The following UPRT variants were observed in gnomAD, a reference collection of about 807,000 sequenced individuals.
The protein encoded by UPRT is RP11-311P8.3.
A neutral mutation model predicts 22.6 loss-of-function variants in UPRT; 5 were observed. The observed-to-expected ratio is 0.22, with a 90% CI of 0.12 to 0.47. The LOEUF is 0.47. UPRT is among the 20% of genes least tolerant of loss of function. The pLI is 0.99. For synonymous variants in UPRT, 77 were observed against 87.7 expected, an observed-to-expected ratio of 0.88 and a Z score of 0.68; for missense variants, 181 against 239.9, an observed-to-expected ratio of 0.75 and a Z score of 1.62.
At chrX:75,283,051 C>G (rs2082664948) in intron 1 of UPRT, among the ~76,000 whole-genome samples, 1 of 111,953 alleles carries the variant, frequency 8.9e-6, no homozygotes, top group African/African-American at 3.2e-5. Flanking sequence ...TTGTTAACTG[C>G]TGTTGCTTTC....
At chrX:75,291,601 A>G (rs981126228) in intron 1 of UPRT, 2 of 151,608 alleles carry the variant, frequency 1.3e-5, no homozygotes, top group Non-Finnish European at 2.5e-5. Flanking sequence ...TAACAATGTT[A>G]AAGATTTAAA....
At chrX:75,259,294 G>T (rs926571906) in intron 4 of UPRT, among the ~76,000 whole-genome samples, 1 of 110,233 alleles carries the variant, frequency 9.1e-6, no homozygotes, top group African/African-American at 3.3e-5. Context: ...ACAGAAGTAG[G>T]CATCAGAAGG....
rs189453359 is a variant in UPRT, at chrX:75,236,120, G to A, written c.-446-54904G>A. Among the ~76,000 whole-genome samples the A allele has an allele frequency of 2.7e-5, 3 of 111,455 alleles. No homozygotes were observed. The East Asian group carries it at 8.5e-4, about 31-fold the overall frequency. On this transcript the variant is annotated intron_variant, in intron 4 of 13. Coordinates refer to the UPRT transcript ENST00000652605. ...CAATGTCTCGGGATACAAAATCAAT[G>A]TACAAAAATCACAAGCATTCTTATA...
chrX:75,293,566 C>G, intron 2 of UPRT, 52 bp downstream of exon 2: 1 of 1,112,457 alleles, frequency 9.0e-7, no homozygotes, highest in Non-Finnish European at 1.2e-6. Flanking sequence ...GTGATATAAC[C>G]ATGGTAGACC....
chrX:75,300,029 C>G, intron 5 of UPRT, 133 bp downstream of exon 5: 2 of 742,529 alleles, frequency 2.7e-6, no homozygotes, highest in Non-Finnish European at 1.9e-6. Flanking sequence ...AAAACTGCCC[C>G]AGGCAGTTCA....
At chrX:75,301,638 A>G (rs187294005) in intron 6 of UPRT, among the ~76,000 whole-genome samples, 2 of 112,116 alleles carry the variant, frequency 1.8e-5, no homozygotes, top group South Asian at 3.7e-4. Context: ...TTCAAAGGAT[A>G]TACTATTATG....
rs553529149 is a variant in UPRT at position 75,258,847 on chromosome X, A to C, written c.-446-32177A>C. ...TGGGAGACGCATCCCAGTAGGGGCCAACAGACACCTCATACAGGAGAGCTC... is the reference window on the plus strand; with the variant it reads ...TGGGAGACGCATCCCAGTAGGGGCCCACAGACACCTCATACAGGAGAGCTC... On this transcript the variant is annotated intron_variant, in intron 4 of 13. Transcript: ENST00000652605. 7.5e-4 allele frequency among the ~76,000 whole-genome samples: 84 copies of C among 111,935 alleles called. No homozygotes were observed. In the South Asian group the frequency reaches 0.031, roughly 41 times the overall value.
intron 4 of UPRT, among the ~76,000 whole-genome samples, chrX:75,187,408 G>T (rs2082296956): frequency 9.0e-6 from 1 of 111,566 alleles, no homozygotes; most frequent in African/African-American, 3.3e-5. Context: ...AGTCTGATGG[G>T]CTTCCCTTTG....
At chrX:75,270,713 A>C (rs189368736), upstream of UPRT, among the ~76,000 whole-genome samples, 1 of 111,212 alleles carries the variant, frequency 9.0e-6, no homozygotes, top group East Asian at 2.8e-4. Flanking sequence ...CAATGAGAAC[A>C]CATAGATACA....
At chrX:75,184,593 T>C (rs1267299701) in intron 4 of UPRT, among the ~76,000 whole-genome samples, 1 of 108,105 alleles carries the variant, frequency 9.3e-6, no homozygotes, top group Non-Finnish European at 1.9e-5. Flanking sequence ...GGGATGGCAT[T>C]GAATCTGTAA....
In UPRT at chrX:75,288,069, G is replaced by T. The variant is rs190297410; in HGVS notation, c.387-5403G>T. 2.2e-4 allele frequency among the ~76,000 whole-genome samples: 25 copies of T among 111,368 alleles called. 1 individual carries two copies. The East Asian group carries it at 6.2e-3, about 28-fold the overall frequency. On this transcript the variant is annotated intron_variant, in intron 1 of 6. Transcript: ENST00000373383. ...ACAACTCTAGATGCAGAAACTAGAA[G>T]ATCTAGAGGAAATGGATACATTCCT...
intron 1 of UPRT, among the ~76,000 whole-genome samples, chrX:75,284,982 G>T (rs1035133706): frequency 2.7e-5 from 3 of 111,141 alleles, no homozygotes; most frequent in Admixed American, 9.5e-5. Flanking sequence ...TGTGGCTGCC[G>T]TAGGGGATGG....
intron 4 of UPRT, among the ~76,000 whole-genome samples, chrX:75,250,418 G>C (rs1602473739): frequency 9.0e-6 from 1 of 111,208 alleles, no homozygotes; most frequent in African/African-American, 3.3e-5. Context: ...TACCATGAAA[G>C]AATACTATAA....
chrX:75,190,074 G>A (rs191266694), intron 4 of UPRT, among the ~76,000 whole-genome samples: 8 of 112,001 alleles, frequency 7.1e-5, no homozygotes, highest in East Asian at 2.8e-4. Context: ...TCCTAGCATC[G>A]ATGGTCTTTA....
At chrX:75,187,238 C>A (rs1357198519) in intron 4 of UPRT, among the ~76,000 whole-genome samples, 1 of 111,175 alleles carries the variant, frequency 9.0e-6, no homozygotes, top group African/African-American at 3.3e-5. Flanking sequence ...AATCTCTCAG[C>A]ATTTGCTTGT....
chrX:75,265,735 C>G (rs2082586180), intron 4 of UPRT, among the ~76,000 whole-genome samples: 1 of 111,451 alleles, frequency 9.0e-6, no homozygotes, highest in African/African-American at 3.3e-5. Context: ...AGCTGTGTTC[C>G]TTTGGAGGAG....
chrX:75,167,362 C>A (rs1213399612), intron 3 of UPRT, among the ~76,000 whole-genome samples: 1 of 111,720 alleles, frequency 9.0e-6, no homozygotes, highest in Non-Finnish European at 1.9e-5. Context: ...TTACAAAAAT[C>A]TTTCCCCACA....
At chrX:75,286,296 C>T (rs1354012695) in intron 1 of UPRT, among the ~76,000 whole-genome samples, 2 of 68,999 alleles carry the variant, frequency 2.9e-5, no homozygotes, top group South Asian at 9.4e-4. Context: ...TTCTGAAATA[C>T]AAATTTACTT....
At chrX:75,168,895 G>A (rs1459689998) in intron 4 of UPRT, among the ~76,000 whole-genome samples, 2 of 111,629 alleles carry the variant, frequency 1.8e-5, no homozygotes, top group African/African-American at 6.5e-5. Flanking sequence ...AGGATACATT[G>A]AACCCATTTT....
Sources: allele counts gnomAD v4.1 joint callset (sites outside exome capture counted in the v4.1 genomes callset), GRCh38; gene constraint gnomAD v4.1.1; transcripts MANE v1.5; gene names NCBI Gene and HGNC (gene_info 2026-07-23, HGNC 2026-07-21).